TECTA: variants seen among roughly 807,000 people sequenced by gnomAD.
TECTA encodes tectorin alpha.
In TECTA, 128 loss-of-function variants were observed where a neutral mutation model predicts 216.8. The observed-to-expected ratio is 0.59, with a 90% CI of 0.51 to 0.68. The LOEUF (loss-of-function observed/expected upper bound fraction) is 0.68, where lower values mean the gene tolerates loss of function less well. Among genes scored for constraint, TECTA ranks in the 30% least tolerant of loss-of-function variants. The probability of loss-of-function intolerance (pLI) is 0.00; values close to 1 mark genes in which losing one functional copy is unlikely to be tolerated. For synonymous variants in TECTA, 1,089 were observed against 1,117.1 expected (o/e 0.97, Z 0.50); for missense variants, 2,551 against 2,786.2 (o/e 0.92, Z 1.90).
chr11:121,124,724 G>T (rs1395185543), intron 7 of TECTA, among the ~76,000 whole-genome samples: 10 of 152,146 alleles, frequency 6.6e-5, no homozygotes, highest in African/African-American at 2.4e-4. Flanking sequence ...GTGTTTAATT[G>T]TGTTGTTGTT....
At chr11:121,161,120 T>C (rs892454704) in intron 15 of TECTA, among the ~76,000 whole-genome samples, 1 of 152,182 alleles carries the variant, frequency 6.6e-6, no homozygotes, top group East Asian at 1.9e-4. Context: ...AAATCCCCAG[T>C]CCTGGAAATC....
At chr11:121,140,318 C>A (rs1946771599) in intron 11 of TECTA, among the ~76,000 whole-genome samples, 3 of 152,116 alleles carry the variant, frequency 2.0e-5, no homozygotes, top group Non-Finnish European at 4.4e-5. Context: ...TAACCGACTC[C>A]CCACTGTCTC....
chr11:121,172,195 A>T (rs1158173260), intron 20 of TECTA, among the ~76,000 whole-genome samples: 1 of 151,466 alleles, frequency 6.6e-6, no homozygotes, highest in Non-Finnish European at 1.5e-5. Flanking sequence ...ATTTTATTTT[A>T]TTATTATTAT....
chr11:121,172,821 C>A (rs1591466255), intron 20 of TECTA, among the ~76,000 whole-genome samples: 3 of 151,850 alleles, frequency 2.0e-5, no homozygotes, highest in African/African-American at 7.3e-5. Flanking sequence ...TAAAAGTGTT[C>A]CTATTTCTCC....
intron 20 of TECTA, among the ~76,000 whole-genome samples, chr11:121,186,749 A>T (rs542229): frequency 0.03 from 4,536 of 152,318 alleles, 207 homozygotes; most frequent in African/African-American, 0.1. Flanking sequence ...TTCAATTTTT[A>T]ATTTTCCTTA....
chr11:121,166,657 C>A lies in TECTA; in HGVS notation c.5463C>A (p.Phe1821Leu), dbSNP rs1472949132. The A allele has an allele frequency of 6.2e-7, 1 of 1,614,090 alleles. No individual in the cohort carries two copies. The highest frequency in any genetic ancestry group is 8.5e-7 in the Non-Finnish European group (1 of 1,180,052). ...MEVSISKCKL[F>L]QLGFEREGVR... The stretch of plus-strand genomic sequence containing the variant: ...TGTCCATATCTAAGTGCAAGCTCTT[C>A]CAGCTCGGTTTTGAGAGGGAGGGCG... The change falls in exon 18 of 24, where the codon TTC (phenylalanine) becomes TTA (leucine). Residue 1821 changes from phenylalanine to leucine, a missense_variant. Physicochemically the swap from Phe to Leu is conservative, Grantham distance 22. Coordinates refer to ENST00000392793, the MANE Select transcript of TECTA (RefSeq NM_005422.4).
chr11:121,150,643 A>ATTTTTT (rs202043512), intron 12 of TECTA, among the ~76,000 whole-genome samples: 4 of 127,952 alleles, frequency 3.1e-5, no homozygotes, highest in African/African-American at 1.2e-4. Context: ...GCCTATTTTA[A>ATTTTTT]TTTTTTTTTT....
intron 20 of TECTA, among the ~76,000 whole-genome samples, chr11:121,177,308 A>C (rs1947177483): frequency 6.6e-6 from 1 of 151,900 alleles, no homozygotes; most frequent in South Asian, 2.1e-4. Context: ...TTGTGGTTTT[A>C]TCTACTTTTG....
rs757991105 is a variant in TECTA at position 121,158,051 on chromosome 11, C to A, written c.4516C>A (p.Pro1506Thr). The A allele has an allele frequency of 6.2e-7, 1 of 1,613,550 alleles. No individual in the cohort carries two copies. Among genetic ancestry groups the A allele is most frequent in the Admixed American group, 1.7e-5 (1 of 60,030 alleles). ...CTTCGACGGCGCCTTCCTGCGCTTC[C>A]CAGCCAACTGCGCCTTCGTGCTGTC... ...RTFDGAFLRF[P>T]ANCAFVLSTI... The change falls in exon 14 of 24, where the codon CCA (proline) becomes ACA (threonine). Residue 1506 changes from proline (P) to threonine (T), a missense_variant. Physicochemically the swap from Pro to Thr is conservative, Grantham distance 38 (BLOSUM62 -1). This residue lies in a region of TECTA where 2,375 missense variants were observed against 2,563.9 expected (regional missense o/e 0.93). Coordinates refer to ENST00000392793, the MANE Select transcript of TECTA (RefSeq NM_005422.4).
Position 121,113,242 on chromosome 11 carries a change from T to A in TECTA, c.624+33T>A. The A allele has an allele frequency of 6.2e-7, 1 of 1,613,506 alleles. No homozygotes were observed. The highest frequency in any genetic ancestry group is 8.5e-7 in the Non-Finnish European group (1 of 1,179,980). On this transcript the variant is annotated intron_variant, in intron 5 of 23. Coordinates refer to ENST00000392793, the MANE Select transcript of TECTA (RefSeq NM_005422.4). The surrounding 1 kb of genome is among the most constrained non-coding windows in gnomAD (Gnocchi z 4.2). ...GCTCTCCACTTCATCCCCCGCGTGT[T>A]TCCGTCGCTGCACTCTCTGCTTCTG...
At position 121,113,530 on chromosome 11, in the gene TECTA, C is replaced by A. The variant is rs1247297318; in HGVS notation, c.625-23C>A. On this transcript the variant is annotated intron_variant, in intron 5 of 23. Transcript: ENST00000392793. The surrounding 1 kb of genome is among the most constrained non-coding windows in gnomAD (Gnocchi z 4.2). ...ATGGGGAATTTTTGTACTCAAAAAT[C>A]TTGTCTTCCTTTTGTGCTGCAGGCA... is the stretch of plus-strand genomic sequence containing the variant. 1.9e-6 allele frequency: 3 copies of A among 1,613,848 alleles called. No individual in the cohort carries two copies. The highest frequency in any genetic ancestry group is 2.7e-5 in the African/African-American group (2 of 74,894).
At chr11:121,115,318 C>T (rs1946491190) in intron 6 of TECTA, among the ~76,000 whole-genome samples, 1 of 152,228 alleles carries the variant, frequency 6.6e-6, no homozygotes, top group Admixed American at 6.5e-5. Context: ...TTCTGAAAAG[C>T]ATTTTAAGAG....
Position 121,109,568 on chromosome 11 carries a change from C to T in TECTA, c.486+70C>T, listed in dbSNP as rs55885159. ...TAATTCTTGTCCATCTTCGCTACCA[C>T]GAAGGAGTCTAATTATTAGAGCTAA... On this transcript the variant is annotated intron_variant, in intron 4 of 23. Transcript: ENST00000392793. 13,300 of 1,571,500 alleles carry T rather than the reference C, an allele frequency of 8.5e-3. 105 individuals are homozygous for T. The highest frequency in any genetic ancestry group is 0.03 in the South Asian group (2,682 of 89,386).
At chr11:121,122,130 T>C (rs1385231845) in intron 7 of TECTA, among the ~76,000 whole-genome samples, 1 of 152,174 alleles carries the variant, frequency 6.6e-6, no homozygotes, top group Non-Finnish European at 1.5e-5. Flanking sequence ...CCTTCCCCCA[T>C]TGCTATGATC....
chr11:121,164,981 CA>C (rs1947036832), intron 16 of TECTA, among the ~76,000 whole-genome samples: 1 of 152,174 alleles, frequency 6.6e-6, no homozygotes, highest in South Asian at 2.1e-4. Context: ...CAGTCTTCAC[CA>C]CTTACCTTCA....
Position 121,162,098 on chromosome 11 carries a change from A to C in TECTA, c.5000A>C (p.Glu1667Ala). The change falls in exon 16 of 24, where the codon GAG (glutamate) becomes GCG (alanine). Residue 1667 changes from glutamate to alanine, a missense_variant. Physicochemically the swap from Glu to Ala is moderately radical, Grantham distance 107. Coordinates refer to ENST00000392793, the MANE Select transcript of TECTA (RefSeq NM_005422.4). ...QKRPLAPSCN[E>A]LQFSQYAAMC... Reference sequence around the variant, plus strand: ...AGACCTCTTGCCCCCAGCTGCAACGAGCTGCAGTTCTCACAGTATGCAGCC... The same window carrying C: ...AGACCTCTTGCCCCCAGCTGCAACGCGCTGCAGTTCTCACAGTATGCAGCC... 1.2e-6 allele frequency: 2 copies of C among 1,614,142 alleles called. No individual in the cohort carries two copies. The highest frequency in any genetic ancestry group is 8.5e-7 in the Non-Finnish European group (1 of 1,180,038).
intron 8 of TECTA, among the ~76,000 whole-genome samples, chr11:121,126,853 A>C (rs1946617557): frequency 6.6e-6 from 1 of 152,232 alleles, no homozygotes; most frequent in African/African-American, 2.4e-5. Context: ...ATTCAAGTTG[A>C]GATTGAATAT....
chr11:121,108,191 G>T (rs906847313), intron 3 of TECTA, among the ~76,000 whole-genome samples: 26 of 151,854 alleles, frequency 1.7e-4, no homozygotes, highest in African/African-American at 5.8e-4. Context: ...TATTTTTCCT[G>T]CTTATTTTGT....
intron 20 of TECTA, among the ~76,000 whole-genome samples, chr11:121,185,258 A>G (rs527592257): frequency 6.6e-6 from 1 of 152,212 alleles, no homozygotes; most frequent in Non-Finnish European, 1.5e-5. Flanking sequence ...TTTCCAGTGC[A>G]TTTAGGGAAA....
Sources: gnomAD v4.1 joint callset for allele counts (sites outside exome capture counted in the v4.1 genomes callset) on GRCh38, gnomAD v4.1.1 for gene constraint, gnomAD v4.1.1 regional missense constraint, Gnocchi (gnomAD v3.1) non-coding constraint, MANE v1.5 for transcripts, NCBI Gene and HGNC (gene_info 2026-07-23, HGNC 2026-07-21) for gene names.